Variants in ASTN2 observed in about 807,000 individuals in gnomAD.
ASTN2 encodes astrotactin 2, also known as astrotactin-2.
ASTN2 carries 54 observed loss-of-function variants against 139.8 expected under a neutral mutation model. The observed-to-expected ratio is 0.39, with a 90% CI of 0.31 to 0.48. The LOEUF (loss-of-function observed/expected upper bound fraction) is 0.48. Among genes scored for constraint, ASTN2 ranks in the 20% least tolerant of loss-of-function variants. The pLI is 0.95. For synonymous variants in ASTN2, 756 were observed against 719.5 expected (o/e 1.05, Z -0.81); for missense variants, 1,565 against 1,725.1 (o/e 0.91, Z 1.64).
At chr9:116,715,914 T>C (rs1007928055) in intron 16 of ASTN2, among the ~76,000 whole-genome samples, 3 of 152,136 alleles carry the variant, frequency 2.0e-5, no homozygotes, top group Non-Finnish European at 4.4e-5. Flanking sequence ...TCCTCTCAGG[T>C]TGGTAGGTTA....
rs186159533 is a variant in ASTN2, at chr9:116,829,389, A to C, written c.2041-8606T>G. 2.4e-4 allele frequency among the ~76,000 whole-genome samples: 37 copies of C among 151,910 alleles called. 2 individuals are homozygous for C. Among genetic ancestry groups the C allele is most frequent in the African/African-American group, 8.9e-4 (37 of 41,386 alleles). ...CCAAATGATCTTTGACAAAGTCAAC[A>C]AAAGTACACACTGGTAAAATGATAC... On this transcript the variant is annotated intron_variant, in intron 11 of 22. Coordinates refer to ENST00000313400, the MANE Select transcript of ASTN2 (RefSeq NM_001365068.1).
intron 1 of ASTN2, among the ~76,000 whole-genome samples, chr9:117,292,277 C>A (rs1292012667): frequency 6.6e-6 from 1 of 152,078 alleles, no homozygotes; most frequent in Non-Finnish European, 1.5e-5. Flanking sequence ...TGCTGGTTTT[C>A]CTTCTGTAAA....
chr9:117,192,877 G>A (rs1564470035), intron 3 of ASTN2, among the ~76,000 whole-genome samples: 1 of 152,092 alleles, frequency 6.6e-6, no homozygotes, highest in East Asian at 1.9e-4. Flanking sequence ...TCTCAAAAGT[G>A]TTCAATAACA....
intron 19 of ASTN2, among the ~76,000 whole-genome samples, chr9:116,499,765 G>C (rs2119131949): frequency 6.6e-6 from 1 of 152,242 alleles, no homozygotes; most frequent in African/African-American, 2.4e-5. Flanking sequence ...CCTTGGAGTT[G>C]TGTTGGAAAC....
intron 20 of ASTN2, 54 bp from the exon 21 acceptor site, chr9:116,442,607 G>A: frequency 7.2e-7 from 1 of 1,398,240 alleles, no homozygotes; most frequent in Non-Finnish European, 1.0e-6. Flanking sequence ...AGAAGGCCCT[G>A]GGAGTTGCAG....
chr9:116,724,556 GC>G (rs1200002615), intron 16 of ASTN2, among the ~76,000 whole-genome samples: 1 of 152,008 alleles, frequency 6.6e-6, no homozygotes, highest in African/African-American at 2.4e-5. Context: ...CTTGGTCTTG[GC>G]CCTGCCAAGC....
At chr9:117,046,646 C>T (rs948360642) in intron 5 of ASTN2, among the ~76,000 whole-genome samples, 7 of 152,170 alleles carry the variant, frequency 4.6e-5, no homozygotes, top group African/African-American at 1.7e-4. Context: ...TCACACTTAG[C>T]TGCTGGCCCC....
chr9:117,351,220 C>T (rs908442323), intron 1 of ASTN2, among the ~76,000 whole-genome samples: 4 of 152,162 alleles, frequency 2.6e-5, no homozygotes, highest in South Asian at 2.1e-4. Flanking sequence ...AAAGAGAATA[C>T]GGCAATCCCA....
At chr9:116,959,777 C>T (rs1284641073) in intron 10 of ASTN2, among the ~76,000 whole-genome samples, 1 of 152,120 alleles carries the variant, frequency 6.6e-6, no homozygotes, top group Non-Finnish European at 1.5e-5. Flanking sequence ...GAAAGGAAAA[C>T]AACCTGTTGG....
At chr9:116,729,759 CTCTT>C (rs1377233628) in intron 14 of ASTN2, among the ~76,000 whole-genome samples, 6 of 152,290 alleles carry the variant, frequency 3.9e-5, no homozygotes, top group East Asian at 1.9e-4. Context: ...CAGAAATAAA[CTCTT>C]TCTATTTCAA....
At chr9:116,768,873 GA>G (rs1829883940) in intron 13 of ASTN2, among the ~76,000 whole-genome samples, 1 of 152,194 alleles carries the variant, frequency 6.6e-6, no homozygotes, top group South Asian at 2.1e-4. Context: ...GAGCACAAAT[GA>G]ATTAAGAAGA....
rs537422078 is a variant in ASTN2 at position 116,725,750 on chromosome 9, C to T, written c.2806+21G>A. 8.1e-6 allele frequency: 13 copies of T among 1,608,306 alleles called. No individual in the cohort carries two copies. The South Asian group carries it at 1.4e-4, about 18-fold the overall frequency. On this transcript the variant is annotated intron_variant, in intron 16 of 22. Coordinates refer to ENST00000313400, the MANE Select transcript of ASTN2 (RefSeq NM_001365068.1). ...CTATAGCCTGCCTGGCCACCTCCTA[C>T]AGTAGGCACTCCGGGCTTACCTTTC...
chr9:116,704,931 C>T lies in ASTN2; in HGVS notation c.2806+20840G>A, dbSNP rs12350717. Among the ~76,000 whole-genome samples the T allele has an allele frequency of 5.4e-3, 826 of 152,148 alleles. 5 individuals are homozygous for T. The highest frequency in any genetic ancestry group is 0.019 in the African/African-American group (786 of 41,482). The stretch of plus-strand genomic sequence containing the variant: ...ACATACATCTAAGTATATACACACA[C>T]GCACAGGTAGAGATGAAATTTTTTT... On this transcript the variant is annotated intron_variant, in intron 16 of 22. Coordinates refer to ENST00000313400, the MANE Select transcript of ASTN2 (RefSeq NM_001365068.1).
chr9:117,051,178 A>G (rs1297920608), intron 5 of ASTN2, among the ~76,000 whole-genome samples: 1 of 152,030 alleles, frequency 6.6e-6, no homozygotes, highest in Non-Finnish European at 1.5e-5. Context: ...TCCCTCTATA[A>G]TCATTCAGCC....
intron 10 of ASTN2, among the ~76,000 whole-genome samples, chr9:116,949,723 A>G (rs1835504055): frequency 6.6e-6 from 1 of 152,228 alleles, no homozygotes. Context: ...TGGTGAATAC[A>G]CTAAGGGCTG....
intron 19 of ASTN2, among the ~76,000 whole-genome samples, chr9:116,490,645 T>A (rs552080433): frequency 2.6e-5 from 4 of 152,278 alleles, no homozygotes; most frequent in Admixed American, 2.6e-4. Flanking sequence ...AAGGCACCTC[T>A]TCACAGGGTG....
rs117296367 is a variant in ASTN2 at position 117,124,968 on chromosome 9, T to C, written c.1168+16358A>G. On this transcript the variant is annotated intron_variant, in intron 4 of 22. Transcript: ENST00000313400. ...TCACAGGGTTCTTACAAAGATCACC[T>C]AAGATAGTAGGTGCAAAAATGTGTT... is the stretch of plus-strand genomic sequence containing the variant. 8.7e-3 allele frequency among the ~76,000 whole-genome samples: 1,332 copies of C among 152,292 alleles called. 10 individuals carry two copies. Among genetic ancestry groups the C allele is most frequent in the South Asian group, 0.029 (138 of 4,822 alleles).
intron 17 of ASTN2, among the ~76,000 whole-genome samples, chr9:116,644,346 C>T (rs573245477): frequency 1.4e-3 from 213 of 152,200 alleles, no homozygotes; most frequent in Middle Eastern, 6.8e-3. Context: ...AAAATGCTCA[C>T]AGGATTGGAA....
intron 3 of ASTN2, among the ~76,000 whole-genome samples, chr9:117,168,189 G>A (rs1830712614): frequency 6.6e-6 from 1 of 152,066 alleles, no homozygotes; most frequent in Non-Finnish European, 1.5e-5. Context: ...AGGAGGGAGA[G>A]CTCTAAGGAT....
Sources: gnomAD v4.1 joint callset for allele counts (sites outside exome capture counted in the v4.1 genomes callset) on GRCh38, gnomAD v4.1.1 for gene constraint, MANE v1.5 for transcripts, NCBI Gene and HGNC (gene_info 2026-07-23, HGNC 2026-07-21) for gene names.